The following HDAC5 variants were observed in gnomAD, a reference collection of about 807,000 sequenced individuals.
HDAC5 encodes histone deacetylase 5, also known as antigen NY-CO-9.
Under a neutral mutation model 133.3 loss-of-function variants are expected in HDAC5, and 25 were observed. That is an observed-to-expected ratio of 0.19 (90% CI 0.14 to 0.26). HDAC5 has a LOEUF of 0.26. Among genes scored for constraint, HDAC5 ranks in the 10% least tolerant of loss-of-function variants. HDAC5 has a pLI of 1.00. For synonymous variants in HDAC5, 589 were observed against 610.8 expected, an observed-to-expected ratio of 0.96 and a Z score of 0.53; for missense variants, 1,041 against 1,460.5, an observed-to-expected ratio of 0.71 and a Z score of 4.68.
chr17:44,117,494 C>G lies in HDAC5; in HGVS notation c.22G>C (p.Asp8His). 1 of 1,614,150 alleles carries G rather than the reference C, an allele frequency of 6.2e-7. No homozygotes were observed. ...TCTTCTCCAACCTCCCAGCTCTTACCCGACTCGTTGGGAGAGTTCATGCCG... is the reference window on the plus strand; with the variant it reads ...TCTTCTCCAACCTCCCAGCTCTTACGCGACTCGTTGGGAGAGTTCATGCCG... Reference protein sequence around the residue: MNSPNESDGMSGREPSLE... With the variant: MNSPNESHGMSGREPSLE... The change falls in exon 2 of 27, where the codon GAT becomes CAT. Residue 8 changes from aspartate to histidine, a missense_variant and splice_region_variant. Asp to His is a moderately conservative substitution (Grantham distance 81, BLOSUM62 -1). Transcript: ENST00000682912. This position sits in a 1 kb window ranked among gnomAD's most constrained non-coding sequence, Gnocchi z 4.2.
chr17:44,088,636 G>T, intron 11 of HDAC5, 38 bp from the exon 12 acceptor site: 1 of 1,591,416 alleles, frequency 6.3e-7, no homozygotes, highest in South Asian at 1.1e-5. Flanking sequence ...ACCATTGTCA[G>T]GGCACCTGAC....
At position 44,082,611 on chromosome 17, in the gene HDAC5, C is replaced by A; in HGVS notation, c.2581G>T (p.Val861Leu). ...TAKLLQQKLN[V>L]GKVLIVDWDI... The stretch of plus-strand genomic sequence containing the variant: ...CAGTCCACGATGAGGACCTTGCCCA[C>A]GTTCAACTTCTGCTGTAGGAGTTTT... The change falls in exon 20 of 27, where the codon GTG becomes TTG. Residue 861 changes from valine (V) to leucine (L), a missense_variant. By Grantham distance (32) the Val-to-Leu change is conservative (BLOSUM62 1). Transcript: ENST00000682912. The A allele has an allele frequency of 1.2e-6, 2 of 1,614,082 alleles. No individual in the cohort carries two copies. The highest frequency in any genetic ancestry group is 2.2e-5 in the East Asian group (1 of 44,872).
rs1335079006 is a variant in HDAC5 at position 44,082,604 on chromosome 17, T to C, written c.2588A>G (p.Lys863Arg). 1.9e-6 allele frequency: 3 copies of C among 1,613,938 alleles called. No individual in the cohort carries two copies. Among genetic ancestry groups the C allele is most frequent in the Admixed American group, 3.3e-5 (2 of 60,016 alleles). The change falls in exon 20 of 27, where the codon AAG becomes AGG. Residue 863 changes from lysine to arginine, a missense_variant. This residue lies in a region of HDAC5 where 174 missense variants were observed against 352.7 expected (regional missense o/e 0.49). Coordinates refer to ENST00000682912, the MANE Select transcript of HDAC5 (RefSeq NM_005474.5). ...KLLQQKLNVGKVLIVDWDIHH... is the reference protein window; with the variant it reads ...KLLQQKLNVGRVLIVDWDIHH... ...GCCTACCCAGTCCACGATGAGGACC[T>C]TGCCCACGTTCAACTTCTGCTGTAG...
chr17:44,119,647 C>A (rs1208926527), intron 1 of HDAC5, among the ~76,000 whole-genome samples: 2 of 152,200 alleles, frequency 1.3e-5, no homozygotes, highest in African/African-American at 2.4e-5. Context: ...TCTGCCAACA[C>A]CCCCATCAAG....
intron 3 of HDAC5, among the ~76,000 whole-genome samples, chr17:44,103,392 C>T (rs2051737425): frequency 6.6e-6 from 1 of 152,214 alleles, no homozygotes; most frequent in Middle Eastern, 3.2e-3. Flanking sequence ...AGTGAACACA[C>T]ATCACGTAGT....
In HDAC5 at chr17:44,086,055, C is replaced by A. The variant is rs185605521; in HGVS notation, c.2050+517G>T. 2.4e-3 allele frequency among the ~76,000 whole-genome samples: 361 copies of A among 152,290 alleles called. 1 individual carries two copies. Among genetic ancestry groups the A allele is most frequent in the African/African-American group, 7.6e-3 (315 of 41,556 alleles). ...CCCCAGCAAGGCTGCCCTGGACACT[C>A]GCATGAGTCTCATCTCTGCCAGCTG... On this transcript the variant is annotated intron_variant, in intron 14 of 26. Transcript: ENST00000682912.
chr17:44,078,102 A>C lies in HDAC5; in HGVS notation c.*274T>G. On this transcript the variant is annotated 3_prime_UTR_variant, in exon 27 of 27. Transcript: ENST00000682912. ...CCCACCTTGAGCTGGCCCAGGCTCCAAGGAGGAAAAGGACAGACAGAATGC... is the reference window on the plus strand; with the variant it reads ...CCCACCTTGAGCTGGCCCAGGCTCCCAGGAGGAAAAGGACAGACAGAATGC... 1 of 351,908 alleles carries C rather than the reference A, an allele frequency of 2.8e-6. No homozygotes were observed. The highest frequency in any genetic ancestry group is 5.1e-6 in the Non-Finnish European group (1 of 195,150). The allele number at this position is 351,908 out of a possible 1,614,324, so 21.8% of individuals were successfully genotyped here. A position where few individuals can be genotyped will look rare whatever the true frequency, so the allele number is the denominator to read the frequency against.
intron 3 of HDAC5, among the ~76,000 whole-genome samples, chr17:44,099,600 G>A (rs1416700946): frequency 2.0e-5 from 3 of 151,928 alleles, no homozygotes; most frequent in African/African-American, 7.3e-5. Flanking sequence ...TCAGCCTCCT[G>A]AGTAGCTGGG....
intron 14 of HDAC5, among the ~76,000 whole-genome samples, chr17:44,085,538 C>T (rs915916747): frequency 6.6e-6 from 1 of 151,838 alleles, no homozygotes; most frequent in Non-Finnish European, 1.5e-5. Context: ...GACAGAGTCT[C>T]GCTCTGTCGG....
intron 10 of HDAC5, 95 bp downstream of exon 10, chr17:44,091,605 C>T (rs545523800): frequency 2.0e-6 from 3 of 1,496,374 alleles, no homozygotes; most frequent in Non-Finnish European, 2.7e-6. Context: ...ACAGATCTCC[C>T]TTAGGGCCTT....
chr17:44,104,702 A>G lies in HDAC5; in HGVS notation c.94+6027T>C, dbSNP rs1038072897. ...GTGGGATCCCTTTTGTCCCTCAAAA[A>G]CATTACTTAGCACAGATAAGCACAA... On this transcript the variant is annotated intron_variant, in intron 3 of 26. Transcript: ENST00000682912. 3.9e-5 allele frequency among the ~76,000 whole-genome samples: 6 copies of G among 152,198 alleles called. No homozygotes were observed. In the East Asian group the frequency reaches 1.2e-3, roughly 29 times the overall value.
intron 3 of HDAC5, among the ~76,000 whole-genome samples, chr17:44,102,428 T>C (rs1174717279): frequency 6.6e-6 from 1 of 152,194 alleles, no homozygotes; most frequent in Non-Finnish European, 1.5e-5. Flanking sequence ...TGGTGCAATC[T>C]TGGCTCACTG....
chr17:44,087,606 G>C lies in HDAC5; in HGVS notation c.1690C>G (p.Leu564Val). Reference sequence around the variant, plus strand: ...GGCATGGTCAGGGCTCCCTCCCCCAGCAAGACCTCCTGCTGCTCCGTCAGC... The same window carrying C: ...GGCATGGTCAGGGCTCCCTCCCCCACCAAGACCTCCTGCTGCTCCGTCAGC... ...EELTEQQEVL[L>V]GEGALTMPRE... The change falls in exon 13 of 27, where the codon CTG becomes GTG. Residue 564 changes from leucine (L) to valine (V), a missense_variant. By Grantham distance (32) the Leu-to-Val change is conservative. Transcript: ENST00000682912. 2 of 1,613,976 alleles carry C rather than the reference G, an allele frequency of 1.2e-6. No individual in the cohort carries two copies. The highest frequency in any genetic ancestry group is 3.3e-4 in the Middle Eastern group (2 of 6,058).
intron 3 of HDAC5, among the ~76,000 whole-genome samples, chr17:44,099,759 C>T (rs1189699837): frequency 1.3e-5 from 2 of 152,154 alleles, no homozygotes; most frequent in Non-Finnish European, 2.9e-5. Context: ...CCAGCGTGAG[C>T]CACCGTGCCT....
intron 13 of HDAC5, among the ~76,000 whole-genome samples, chr17:44,087,064 G>T (rs536794153): frequency 7.9e-5 from 12 of 151,756 alleles, no homozygotes; most frequent in Admixed American, 3.3e-4. Context: ...CCAGCTAGGC[G>T]CGAGGCAGAC....
intron 1 of HDAC5, among the ~76,000 whole-genome samples, chr17:44,122,303 A>G (rs1289905851): frequency 6.6e-6 from 1 of 152,096 alleles, no homozygotes; most frequent in African/African-American, 2.4e-5. Flanking sequence ...CCAGACTGCA[A>G]TCCTGCAAGG....
At chr17:44,079,090 G>A in intron 24 of HDAC5, 54 bp downstream of exon 24, 1 of 1,588,978 alleles carries the variant, frequency 6.3e-7, no homozygotes, top group South Asian at 1.1e-5. Context: ...CTGACCCCTT[G>A]CTGGCCCCTC....
In HDAC5 at chr17:44,078,382, G is replaced by A; in HGVS notation, c.3363C>T (p.Ala1121=). 2 of 1,523,850 alleles carry A rather than the reference G, an allele frequency of 1.3e-6. No individual in the cohort carries two copies. Among genetic ancestry groups the A allele is most frequent in the Non-Finnish European group, 1.8e-6 (2 of 1,137,488 alleles). 94.4% of individuals were successfully genotyped at this position (1,523,850 alleles called of 1,614,324 possible). The change falls in exon 27 of 27, where the codon GCC becomes GCT. Residue 1121 remains alanine, a synonymous_variant. Transcript: ENST00000682912. ...PAEEPMEQEP[A]L ...AGGGATGGGGGCCGGGGCGTCACAG[G>A]GCAGGCTCCTGCTCCATGGGCTCCT...
intron 1 of HDAC5, among the ~76,000 whole-genome samples, chr17:44,122,621 AAGCACCCAACCTCCCCACTTCAAC>A (rs1287226565): frequency 6.6e-6 from 1 of 152,080 alleles, no homozygotes; most frequent in Non-Finnish European, 1.5e-5. Flanking sequence ...CTCCCAAAGG[AAGCACCCAACCTCCCCACTTCAAC>A]AGCCCCCACC....
Sources: allele counts gnomAD v4.1 joint callset (sites outside exome capture counted in the v4.1 genomes callset), GRCh38; gene constraint gnomAD v4.1.1; regional missense constraint gnomAD v4.1.1; non-coding constraint Gnocchi (gnomAD v3.1); transcripts MANE v1.5; gene names NCBI Gene and HGNC (gene_info 2026-07-23, HGNC 2026-07-21).